The following GALNT18 variants were observed in gnomAD, a reference collection of about 807,000 sequenced individuals.
GALNT18 encodes GalNAc-transferase 18.
A neutral mutation model predicts 69.5 loss-of-function variants in GALNT18; 44 were observed. The ratio of observed to expected loss-of-function variants is 0.63; its 90% CI spans 0.50 to 0.81. The LOEUF is 0.81. Among genes scored for constraint, GALNT18 ranks in the 40% least tolerant of loss-of-function variants. The pLI, the probability that GALNT18 is intolerant of heterozygous loss-of-function variation, is 0.00. For missense variants in GALNT18, 715 were observed against 810.0 expected, an observed-to-expected ratio of 0.88 and a Z score of 1.42; for synonymous variants, 364 against 318.2, an observed-to-expected ratio of 1.14 and a Z score of -1.53.
chr11:11,457,115 T>A (rs1855941411), intron 1 of GALNT18, among the ~76,000 whole-genome samples: 1 of 152,234 alleles, frequency 6.6e-6, no homozygotes, highest in Non-Finnish European at 1.5e-5. Flanking sequence ...AAAGTAGGAA[T>A]TCCTGCATGA....
intron 9 of GALNT18, among the ~76,000 whole-genome samples, chr11:11,298,132 G>A (rs1849433018): frequency 2.0e-5 from 3 of 152,156 alleles, no homozygotes; most frequent in Non-Finnish European, 2.9e-5. Flanking sequence ...TGGGGCAAGG[G>A]CCCCCATCCT....
At position 11,293,120 on chromosome 11, in the gene GALNT18, C is replaced by G. The variant is rs779735158; in HGVS notation, c.1586G>C (p.Arg529Pro). 7 of 1,370,668 alleles carry G rather than the reference C, an allele frequency of 5.1e-6. No homozygotes were observed. Among genetic ancestry groups the G allele is most frequent in the Non-Finnish European group, 6.7e-6 (7 of 1,052,110 alleles). The allele number at this position is 1,370,668 out of a possible 1,614,324, so 84.9% of individuals were successfully genotyped here. A position where few individuals can be genotyped will look rare whatever the true frequency, so the allele number is the denominator to read the frequency against. The change falls in exon 10 of 11, where the codon CGA becomes CCA. Residue 529 changes from arginine (R) to proline (P), a missense_variant. Coordinates refer to ENST00000227756, the MANE Select transcript of GALNT18 (RefSeq NM_198516.3). Reference sequence around the variant, plus strand: ...CCGGCTGTTGACGTCCACCAGGCATCGGTTGTCATCATCATCCACGGTGGG... The same window carrying G: ...CCGGCTGTTGACGTCCACCAGGCATGGGTTGTCATCATCATCCACGGTGGG... ...LSPTVDDDDN[R>P]CLVDVNSRPR... is the part of the protein sequence containing the mutation.
In GALNT18 at chr11:11,448,940, G is replaced by A; in HGVS notation, c.236-4C>T. 1 of 1,574,566 alleles carries A rather than the reference G, an allele frequency of 6.4e-7. No individual in the cohort carries two copies. The highest frequency in any genetic ancestry group is 8.6e-7 in the Non-Finnish European group (1 of 1,161,322). On this transcript the variant is annotated splice_polypyrimidine_tract_variant and splice_region_variant and intron_variant, in intron 1 of 10. Transcript: ENST00000227756. ...TCCTCAGGCTTGGCAGGAGCCTCTG[G>A]AGAAAGAAGGAACAGGAGACAGTGG...
intron 1 of GALNT18, among the ~76,000 whole-genome samples, chr11:11,569,165 A>AT (rs1399555628): frequency 6.6e-6 from 1 of 151,664 alleles, no homozygotes; most frequent in Non-Finnish European, 1.5e-5. Context: ...AACAAGGTAG[A>AT]TTCACAACAA....
At chr11:11,513,472 G>A (rs1857204365) in intron 1 of GALNT18, among the ~76,000 whole-genome samples, 1 of 152,166 alleles carries the variant, frequency 6.6e-6, no homozygotes, top group Non-Finnish European at 1.5e-5. Context: ...GACGTGGGTT[G>A]TCCTTCCACA....
intron 3 of GALNT18, among the ~76,000 whole-genome samples, chr11:11,399,217 A>G (rs1222826329): frequency 3.3e-5 from 5 of 152,140 alleles, no homozygotes; most frequent in Non-Finnish European, 7.3e-5. Flanking sequence ...GCTTTCTGCA[A>G]CAGGGAAGAG....
rs1859369450 is a variant in GALNT18 at position 11,591,904 on chromosome 11, TC to T, written c.235+29454del. 6.6e-6 allele frequency among the ~76,000 whole-genome samples: 1 copy of T among 152,194 alleles called. No homozygotes were observed. Among genetic ancestry groups the T allele is most frequent in the African/African-American group, 2.4e-5 (1 of 41,448 alleles). Reference sequence around the variant, plus strand: ...GTTTGATGTAACACAGTCCTCAAGATCAGACCACATAGAGTCAATTCCTATC... The same window carrying T: ...GTTTGATGTAACACAGTCCTCAAGATAGACCACATAGAGTCAATTCCTATC... On this transcript the variant is annotated intron_variant, in intron 1 of 10. Coordinates refer to ENST00000227756, the MANE Select transcript of GALNT18 (RefSeq NM_198516.3). This position sits in a 1 kb window ranked among gnomAD's most constrained non-coding sequence, Gnocchi z 4.8.
At chr11:11,355,264 A>C (rs57380153) in intron 6 of GALNT18, among the ~76,000 whole-genome samples, 26,796 of 152,168 alleles carry the variant, frequency 0.18, 2,549 homozygotes, top group Admixed American at 0.24. Flanking sequence ...AAATATAAAA[A>C]ATCCCTGACT....
intron 1 of GALNT18, among the ~76,000 whole-genome samples, chr11:11,580,744 G>C (rs1014773567): frequency 1.1e-4 from 17 of 152,358 alleles, no homozygotes; most frequent in African/African-American, 3.4e-4. Flanking sequence ...CACCATAGCA[G>C]GGCTGCCTCC....
At position 11,387,020 on chromosome 11, in the gene GALNT18, G is replaced by A. The variant is rs947872991; in HGVS notation, c.596-7756C>T. ...GATTCTGACGGATGGGCCAAACTTG[G>A]TTACAACTGAAATACAAAGGTGGGC... On this transcript the variant is annotated intron_variant, in intron 3 of 10. Coordinates refer to ENST00000227756, the MANE Select transcript of GALNT18 (RefSeq NM_198516.3). The surrounding 1 kb of genome is among the most constrained non-coding windows in gnomAD (Gnocchi z 4.6). 4.6e-5 allele frequency among the ~76,000 whole-genome samples: 7 copies of A among 152,144 alleles called. No individual in the cohort carries two copies. The highest frequency in any genetic ancestry group is 1.4e-4 in the African/African-American group (6 of 41,438).
chr11:11,434,838 T>C (rs952927039), intron 2 of GALNT18, among the ~76,000 whole-genome samples: 3 of 152,222 alleles, frequency 2.0e-5, no homozygotes, highest in African/African-American at 7.2e-5. Context: ...AAAATGTGAA[T>C]ACAATTTTTA....
rs539572554 is a variant in GALNT18 at position 11,311,540 on chromosome 11, G to A, written c.1512+15546C>T. The stretch of plus-strand genomic sequence containing the variant: ...GAGTTTACATGTTTCCTGCCTGGGG[G>A]TTGAGTCAAATGGAAAGGCAGGTCA... On this transcript the variant is annotated intron_variant, in intron 9 of 10. Coordinates refer to ENST00000227756, the MANE Select transcript of GALNT18 (RefSeq NM_198516.3). Among the ~76,000 whole-genome samples the A allele has an allele frequency of 6.6e-5, 10 of 152,296 alleles. No homozygotes were observed. In the South Asian group the frequency reaches 2.1e-3, roughly 32 times the overall value.
chr11:11,476,270 G>A (rs550276764), intron 1 of GALNT18: 3 of 152,152 alleles, frequency 2.0e-5, no homozygotes, highest in Non-Finnish European at 4.4e-5. Flanking sequence ...ACAGCATAGA[G>A]AAGTGACCCC....
At chr11:11,276,383 C>G (rs919089057) in intron 10 of GALNT18, among the ~76,000 whole-genome samples, 3 of 152,116 alleles carry the variant, frequency 2.0e-5, no homozygotes, top group Non-Finnish European at 4.4e-5. Flanking sequence ...GATTTTGTAT[C>G]CTGAGACTTT....
At chr11:11,491,836 C>T (rs1856776298) in intron 1 of GALNT18, among the ~76,000 whole-genome samples, 2 of 152,154 alleles carry the variant, frequency 1.3e-5, no homozygotes, top group Admixed American at 1.3e-4. Context: ...GAGCCAGTCA[C>T]TCCCCTCCAG....
At position 11,396,236 on chromosome 11, in the gene GALNT18, G is replaced by A. The variant is rs1854323177; in HGVS notation, c.596-16972C>T. Among the ~76,000 whole-genome samples, 1 of 152,244 alleles carries A rather than the reference G, an allele frequency of 6.6e-6. No homozygotes were observed. Among genetic ancestry groups the A allele is most frequent in the African/African-American group, 2.4e-5 (1 of 41,460 alleles). Reference sequence around the variant, plus strand: ...GCAAAGAACTGGCACGACAGCGGCTGGGTCTGTCAGTGGTGTTCGCAAACA... The same window carrying A: ...GCAAAGAACTGGCACGACAGCGGCTAGGTCTGTCAGTGGTGTTCGCAAACA... On this transcript the variant is annotated intron_variant, in intron 3 of 10. Coordinates refer to ENST00000227756, the MANE Select transcript of GALNT18 (RefSeq NM_198516.3). The surrounding 1 kb of genome is among the most constrained non-coding windows in gnomAD (Gnocchi z 5.2).
chr11:11,384,614 G>A (rs141962240), intron 3 of GALNT18, among the ~76,000 whole-genome samples: 9 of 152,250 alleles, frequency 5.9e-5, no homozygotes, highest in African/African-American at 2.2e-4. Context: ...CCTCATAAAT[G>A]GGATTAGTGC....
chr11:11,455,747 C>T lies in GALNT18; in HGVS notation c.236-6811G>A, dbSNP rs185799466. 4.7e-3 allele frequency among the ~76,000 whole-genome samples: 716 copies of T among 152,266 alleles called. 4 individuals carry two copies. The highest frequency in any genetic ancestry group is 0.016 in the African/African-American group (671 of 41,542). ...TATTTGGAAATAGTTTCTGAACCTA[C>T]AAGCAAGTATCCCAAAGCTCAGCAT... On this transcript the variant is annotated intron_variant, in intron 1 of 10. Transcript: ENST00000227756.
intron 6 of GALNT18, among the ~76,000 whole-genome samples, chr11:11,344,469 G>A (rs192388452): frequency 2.0e-5 from 3 of 152,282 alleles, no homozygotes; most frequent in Admixed American, 6.5e-5. Context: ...CTTGCAAAAT[G>A]TTCTCAAACT....
Sources: gnomAD v4.1 joint callset for allele counts (sites outside exome capture counted in the v4.1 genomes callset) on GRCh38, gnomAD v4.1.1 for gene constraint, Gnocchi (gnomAD v3.1) non-coding constraint, MANE v1.5 for transcripts, NCBI Gene and HGNC (gene_info 2026-07-23, HGNC 2026-07-21) for gene names.